The following MME variants were observed in gnomAD, a reference collection of about 807,000 sequenced individuals.
MME encodes membrane metalloendopeptidase.
In MME, 98 loss-of-function variants were observed where a neutral mutation model predicts 113.2. The ratio of observed to expected loss-of-function variants is 0.87; its 90% CI spans 0.74 to 1.02. MME has a LOEUF of 1.02. Among genes scored for constraint, MME ranks in the 50% least tolerant of loss-of-function variants. The pLI is 0.00. For missense variants in MME, 836 were observed against 896.0 expected, an observed-to-expected ratio of 0.93 and a Z score of 0.86; for synonymous variants, 292 against 300.6, an observed-to-expected ratio of 0.97 and a Z score of 0.30.
intron 16 of MME, among the ~76,000 whole-genome samples, chr3:155,149,881 T>C (rs1451750497): frequency 6.6e-6 from 1 of 152,210 alleles, no homozygotes; most frequent in Non-Finnish European, 1.5e-5. Flanking sequence ...AATATTGTGT[T>C]ATCTGATGCT....
chr3:155,103,476 A>G (rs896844327), intron 3 of MME, among the ~76,000 whole-genome samples: 1 of 152,150 alleles, frequency 6.6e-6, no homozygotes, highest in African/African-American at 2.4e-5. Flanking sequence ...AATAAAGTCA[A>G]TTACGCTCTT....
In MME at chr3:155,147,157, A is replaced by G. The variant is rs1159283922; in HGVS notation, c.1430A>G (p.Lys477Arg). The G allele has an allele frequency of 1.2e-6, 2 of 1,603,062 alleles. No homozygotes were observed. The change falls in exon 15 of 23, where the codon AAA becomes AGA. Residue 477 changes from lysine (K) to arginine (R), a missense_variant. Coordinates refer to ENST00000360490, the MANE Select transcript of MME (RefSeq NM_007289.4). ...KRAEEKALAI[K>R]ERIGYPDDIV... ...TAATTTTCATAGGCCTTAGCAATTA[A>G]AGAAAGGATCGGCTATCCTGATGAC...
At chr3:155,031,558 T>C (rs1302796952) in intron 1 of MME, among the ~76,000 whole-genome samples, 2 of 152,226 alleles carry the variant, frequency 1.3e-5, no homozygotes, top group South Asian at 2.1e-4. Context: ...GAAATGACTT[T>C]ATCAGAATGT....
intron 12 of MME, among the ~76,000 whole-genome samples, chr3:155,142,635 T>C (rs1190984792): frequency 2.0e-5 from 3 of 152,168 alleles, no homozygotes; most frequent in Non-Finnish European, 4.4e-5. Context: ...GTGTTAAAAG[T>C]AATTTCGGGG....
At chr3:155,113,912 G>T (rs1380768313) in intron 3 of MME, among the ~76,000 whole-genome samples, 1 of 152,104 alleles carries the variant, frequency 6.6e-6, no homozygotes, top group Non-Finnish European at 1.5e-5. Flanking sequence ...TAAAGAGCTG[G>T]GTCCTGAGGT....
Position 155,172,617 on chromosome 3 carries a change from G to T in MME, c.2153+5G>T. The T allele has an allele frequency of 6.2e-7, 1 of 1,606,230 alleles. No individual in the cohort carries two copies. The highest frequency in any genetic ancestry group is 8.5e-7 in the Non-Finnish European group (1 of 1,173,174). On this transcript the variant is annotated splice_donor_5th_base_variant and intron_variant, in intron 22 of 22. Transcript: ENST00000360490. ...GCACAGTCCAGGCAATTTCAGGTGCGTGGATATGAACAGCAATCAAGGTGC... is the reference window on the plus strand; with the variant it reads ...GCACAGTCCAGGCAATTTCAGGTGCTTGGATATGAACAGCAATCAAGGTGC...
At chr3:155,077,712 C>CAA (rs372942152), upstream of MME, among the ~76,000 whole-genome samples, 2 of 143,020 alleles carry the variant, frequency 1.4e-5, no homozygotes, top group African/African-American at 5.1e-5. Context: ...CTCATCTAAA[C>CAA]AAAAAAAAAC....
chr3:155,148,763 A>T, intron 16 of MME, 110 bp downstream of exon 16: 1 of 790,232 alleles, frequency 1.3e-6, no homozygotes, highest in Non-Finnish European at 2.2e-6. Context: ...AAAAGTACAA[A>T]GTCCTCTTTT....
chr3:155,047,897 C>G (rs576041302), intron 1 of MME, among the ~76,000 whole-genome samples: 30 of 152,106 alleles, frequency 2.0e-4, no homozygotes, highest in African/African-American at 2.9e-4. Context: ...ATGTTCGGAG[C>G]CTTTGTTAAT....
chr3:155,074,815 G>A (rs1714690977), upstream of MME, among the ~76,000 whole-genome samples: 2 of 152,050 alleles, frequency 1.3e-5, no homozygotes, highest in South Asian at 4.1e-4. Flanking sequence ...ATTTAATCAT[G>A]TTAAGGTCCA....
In MME at chr3:155,065,017, C is replaced by T. The variant is rs73874490; in HGVS notation, c.-10-19141C>T. Among the ~76,000 whole-genome samples, 4 of 152,306 alleles carry T rather than the reference C, an allele frequency of 2.6e-5. 1 individual carries two copies. The South Asian group carries it at 8.3e-4, about 32-fold the overall frequency. On this transcript the variant is annotated intron_variant, in intron 1 of 22. Coordinates refer to the MME transcript ENST00000492661. ...TCATCTTAGAAGGACACCAGTCATA[C>T]TGCATAAGGGTCATCCTACTCCAGT...
chr3:155,061,139 T>G (rs571324518), intron 1 of MME, among the ~76,000 whole-genome samples: 2 of 152,282 alleles, frequency 1.3e-5, no homozygotes, highest in East Asian at 3.9e-4. Flanking sequence ...TGTATCAAGT[T>G]AAAAGCAGCT....
rs144227552 is a variant in MME, at chr3:155,169,690, C to A, written c.1980+893C>A. Among the ~76,000 whole-genome samples the A allele has an allele frequency of 1.7e-3, 265 of 152,288 alleles. 1 individual carries two copies. The highest frequency in any genetic ancestry group is 3.9e-3 in the Admixed American group (59 of 15,302). The stretch of plus-strand genomic sequence containing the variant: ...CATCTACTTGAGATGTCACAAGGAA[C>A]AACTTGTTCCTAGGCTAGAACTAGG... On this transcript the variant is annotated intron_variant, in intron 20 of 22. Transcript: ENST00000360490.
chr3:155,129,988 CT>C (rs3836436), intron 8 of MME, among the ~76,000 whole-genome samples: 43,091 of 151,996 alleles, frequency 0.28, 7,434 homozygotes, highest in East Asian at 0.43. Context: ...AGTCTGAACT[CT>C]GTATTGGGGG....
At position 155,096,570 on chromosome 3, in the gene MME, A is replaced by G. The variant is rs1716761990; in HGVS notation, c.196+11476A>G. On this transcript the variant is annotated intron_variant, in intron 3 of 22. Transcript: ENST00000360490. ...CAGAAGGAAGGGTTTTAAATGACGC[A>G]TGACTTTATCAGAATTATTGAGAAA... 2.6e-5 allele frequency among the ~76,000 whole-genome samples: 4 copies of G among 152,226 alleles called. No individual in the cohort carries two copies. In the South Asian group the frequency reaches 6.2e-4, roughly 24 times the overall value.
At chr3:155,172,795 T>C (rs1319902571) in intron 22 of MME, among the ~76,000 whole-genome samples, 183 bp downstream of exon 22, 2 of 151,902 alleles carry the variant, frequency 1.3e-5, no homozygotes, top group African/African-American at 4.8e-5. Flanking sequence ...AGCATAGCCT[T>C]GGCCACTCTC....
chr3:155,042,380 C>A (rs781222694), intron 1 of MME, among the ~76,000 whole-genome samples: 2 of 152,210 alleles, frequency 1.3e-5, no homozygotes, highest in African/African-American at 4.8e-5. Flanking sequence ...AAGAAAATGT[C>A]TTTTCCTATG....
At chr3:155,130,421 G>T (rs1449644490) in intron 8 of MME, among the ~76,000 whole-genome samples, 1 of 152,206 alleles carries the variant, frequency 6.6e-6, no homozygotes, top group Admixed American at 6.5e-5. Context: ...AGGAACTGGA[G>T]AGTAGAAGCT....
At chr3:155,101,215 G>C (rs1166703769) in intron 3 of MME, among the ~76,000 whole-genome samples, 2 of 152,176 alleles carry the variant, frequency 1.3e-5, no homozygotes, top group African/African-American at 2.4e-5. Context: ...ACAGCCTGCA[G>C]AGCCATGAGC....
Sources: allele counts gnomAD v4.1 joint callset (sites outside exome capture counted in the v4.1 genomes callset), GRCh38; gene constraint gnomAD v4.1.1; transcripts MANE v1.5; gene names NCBI Gene and HGNC (gene_info 2026-07-23, HGNC 2026-07-21).